ZFHX4: variants seen among roughly 807,000 people sequenced by gnomAD.
ZFHX4 encodes the protein zinc finger homeobox 4.
A neutral mutation model predicts 267.6 loss-of-function variants in ZFHX4; 56 were observed. The ratio of observed to expected loss-of-function variants is 0.21; its 90% CI spans 0.17 to 0.26. ZFHX4 has a LOEUF of 0.26. Ranked by LOEUF, ZFHX4 falls within the 10% of genes least tolerant of loss-of-function variation. The pLI, the probability that ZFHX4 is intolerant of heterozygous loss-of-function variation, is 1.00. For missense variants in ZFHX4, 4,332 were observed against 4,420.0 expected (o/e 0.98, Z 0.56); for synonymous variants, 1,778 against 1,665.6 (o/e 1.07, Z -1.64).
chr8:76,802,189 C>T (rs1811134076), intron 4 of ZFHX4, among the ~76,000 whole-genome samples: 1 of 152,130 alleles, frequency 6.6e-6, no homozygotes, highest in South Asian at 2.1e-4. Flanking sequence ...TAACACTCAT[C>T]TTCTTCAGGC....
At chr8:76,733,617 T>A (rs1338840366) in intron 3 of ZFHX4, 1 of 152,218 alleles carries the variant, frequency 6.6e-6, no homozygotes, top group East Asian at 1.9e-4. Flanking sequence ...AACATATTCA[T>A]TTACTTTAGT....
chr8:76,703,037 A>G (rs774919108), intron 1 of ZFHX4, among the ~76,000 whole-genome samples: 28 of 152,130 alleles, frequency 1.8e-4, no homozygotes, highest in Non-Finnish European at 4.1e-4. Context: ...AACTTTCACT[A>G]GTACTTTACC....
chr8:76,833,596 C>A, intron 5 of ZFHX4, 190 bp downstream of exon 5: 1 of 515,080 alleles, frequency 1.9e-6, no homozygotes, highest in Non-Finnish European at 3.5e-6. Flanking sequence ...ATTGACTTTA[C>A]ATTTTAGAGC....
At chr8:76,736,745 G>A (rs1809170544) in intron 3 of ZFHX4, among the ~76,000 whole-genome samples, 1 of 152,122 alleles carries the variant, frequency 6.6e-6, no homozygotes, top group African/African-American at 2.4e-5. Context: ...TTTTTGAGCA[G>A]CTTGTCATGA....
chr8:76,823,893 G>A (rs771878154), intron 4 of ZFHX4, among the ~76,000 whole-genome samples: 56 of 152,232 alleles, frequency 3.7e-4, no homozygotes, highest in African/African-American at 9.4e-4. Flanking sequence ...AAGTAGTAGC[G>A]ATGCATTCCA....
chr8:76,864,349 T>A lies in ZFHX4; in HGVS notation c.10635T>A (p.Pro3545=). ...ARRAASPPSS[P]PSLSLPSTVT... is the part of the protein sequence containing the mutation. Reference sequence around the variant, plus strand: ...GAGCTGCTTCTCCCCCTTCTTCTCCTCCTTCCCTTTCCTTGCCTTCAACGG... The same window carrying A: ...GAGCTGCTTCTCCCCCTTCTTCTCCACCTTCCCTTTCCTTGCCTTCAACGG... Residue 3545 remains proline, a synonymous_variant, in exon 11 of 11, where the codon CCT becomes CCA. Coordinates refer to ENST00000651372, the MANE Select transcript of ZFHX4 (RefSeq NM_024721.5). 6.2e-7 allele frequency: 1 copy of A among 1,613,852 alleles called. No homozygotes were observed. The highest frequency in any genetic ancestry group is 8.5e-7 in the Non-Finnish European group (1 of 1,179,854).
chr8:76,745,382 A>G (rs1809432158), intron 3 of ZFHX4, among the ~76,000 whole-genome samples: 1 of 152,170 alleles, frequency 6.6e-6, no homozygotes, highest in Non-Finnish European at 1.5e-5. Flanking sequence ...TTGTGTAGGT[A>G]TAGTTTTTGT....
At chr8:76,792,562 C>A (rs746540598) in intron 4 of ZFHX4, among the ~76,000 whole-genome samples, 2 of 152,130 alleles carry the variant, frequency 1.3e-5, no homozygotes, top group Non-Finnish European at 2.9e-5. Context: ...GACCACTGGA[C>A]AAGATCATAT....
chr8:76,722,605 GTGTT>G lies in ZFHX4; in HGVS notation c.3093+14559_3093+14562del, dbSNP rs754271717. Among the ~76,000 whole-genome samples the G allele has an allele frequency of 2.5e-3, 367 of 147,850 alleles. 1 individual carries two copies. The highest frequency in any genetic ancestry group is 8.5e-3 in the African/African-American group (338 of 39,800). On this transcript the variant is annotated intron_variant, in intron 3 of 10. Coordinates refer to ENST00000651372, the MANE Select transcript of ZFHX4 (RefSeq NM_024721.5). ...TCCAACTGACTTTCTCACTTTTTAT[GTGTT>G]TTTTTTTTGCAAGAATTTCTGTACC...
At chr8:76,698,803 C>T (rs1288797488) in intron 1 of ZFHX4, among the ~76,000 whole-genome samples, 1 of 152,138 alleles carries the variant, frequency 6.6e-6, no homozygotes, top group Non-Finnish European at 1.5e-5. Context: ...TTGGTTACAT[C>T]CTTCTATTCA....
chr8:76,687,453 G>C (rs1163573697), intron 1 of ZFHX4, among the ~76,000 whole-genome samples: 1 of 152,178 alleles, frequency 6.6e-6, no homozygotes, highest in Admixed American at 6.5e-5. Flanking sequence ...CCCAAGACGG[G>C]ATAGTGTCAA....
chr8:76,722,149 A>C (rs946506274), intron 3 of ZFHX4, among the ~76,000 whole-genome samples: 2 of 152,096 alleles, frequency 1.3e-5, no homozygotes, highest in South Asian at 4.1e-4. Flanking sequence ...TGATGAGATC[A>C]ATCAAGGGCT....
intron 4 of ZFHX4, among the ~76,000 whole-genome samples, chr8:76,819,512 T>C (rs911846160): frequency 2.0e-5 from 3 of 152,134 alleles, no homozygotes; most frequent in African/African-American, 7.2e-5. Flanking sequence ...TTAGGTGAAC[T>C]AGACATGAGG....
intron 4 of ZFHX4, among the ~76,000 whole-genome samples, chr8:76,821,944 A>G (rs1811659451): frequency 6.6e-6 from 1 of 151,796 alleles, no homozygotes; most frequent in Admixed American, 6.6e-5. Context: ...CCATTAATGC[A>G]TTGTCCTCTC....
rs757036143 is a variant in ZFHX4, at chr8:76,854,751, C to T, written c.7830C>T (p.Thr2610=). ...AACACCGAGATAAACGCTTGAGAAC[C>T]ACGATCACCCCGGAACAGCTGGAAA... ...EDQHRDKRLR[T]TITPEQLEIL... is the part of the protein sequence containing the mutation. The change falls in exon 10 of 11, where the codon ACC becomes ACT. Residue 2610 remains threonine, a synonymous_variant. Coordinates refer to ENST00000651372, the MANE Select transcript of ZFHX4 (RefSeq NM_024721.5). 9.3e-6 allele frequency: 15 copies of T among 1,611,628 alleles called. No individual in the cohort carries two copies. The highest frequency in any genetic ancestry group is 1.3e-5 in the Non-Finnish European group (15 of 1,178,914).
chr8:76,699,909 G>A (rs918330239), intron 1 of ZFHX4, among the ~76,000 whole-genome samples: 4 of 151,746 alleles, frequency 2.6e-5, no homozygotes, highest in South Asian at 2.1e-4. Context: ...TTCTCTGTAC[G>A]TGGCAACAAA....
chr8:76,751,095 A>C (rs1809603259), intron 3 of ZFHX4, among the ~76,000 whole-genome samples: 1 of 152,078 alleles, frequency 6.6e-6, no homozygotes, highest in Non-Finnish European at 1.5e-5. Flanking sequence ...CCTCTATGAA[A>C]TGTCTCTTGG....
chr8:76,712,637 T>C (rs1348353401), intron 3 of ZFHX4, among the ~76,000 whole-genome samples: 1 of 152,236 alleles, frequency 6.6e-6, no homozygotes, highest in Admixed American at 6.5e-5. Flanking sequence ...TGTGTGTGTA[T>C]CTAAGAAACC....
intron 4 of ZFHX4, among the ~76,000 whole-genome samples, chr8:76,812,822 A>AAC (rs1249217093): frequency 6.6e-6 from 1 of 152,116 alleles, no homozygotes; most frequent in East Asian, 1.9e-4. Flanking sequence ...GTAATTTACA[A>AAC]TTGCAGGTAA....
Sources: allele counts gnomAD v4.1 joint callset (sites outside exome capture counted in the v4.1 genomes callset), GRCh38; gene constraint gnomAD v4.1.1; transcripts MANE v1.5; gene names NCBI Gene and HGNC (gene_info 2026-07-23, HGNC 2026-07-21).